PIK3C2A: variants seen among roughly 807,000 people sequenced by gnomAD.
The protein encoded by PIK3C2A is phosphatidylinositol-4-phosphate 3-kinase catalytic subunit type 2 alpha.
A neutral mutation model predicts 204.5 loss-of-function variants in PIK3C2A; 97 were observed. The observed-to-expected ratio is 0.47, with a 90% CI of 0.40 to 0.56. The LOEUF (loss-of-function observed/expected upper bound fraction) is 0.56. PIK3C2A is among the 20% of genes least tolerant of loss of function. The pLI is 0.00. For synonymous variants in PIK3C2A, 653 were observed against 664.4 expected (o/e 0.98, Z 0.26); for missense variants, 1,735 against 1,969.2 (o/e 0.88, Z 2.25).
intron 1 of PIK3C2A, among the ~76,000 whole-genome samples, chr11:17,206,996 T>C (rs1852603048): frequency 6.6e-6 from 1 of 152,288 alleles, no homozygotes; most frequent in Admixed American, 6.5e-5. Flanking sequence ...CGGGCCAGTA[T>C]AGGAAAAGAA....
chr11:17,169,772 CTA>C lies in PIK3C2A; in HGVS notation c.-33_-32del, dbSNP rs757401488. ...CTAAAAAGACCAAACCTTCCTTCCT[CTA>C]TTTTTTTCTTGTAGCTTCCAAAATA... On this transcript the variant is annotated 5_prime_UTR_variant, in exon 2 of 33. Coordinates refer to ENST00000691414, the MANE Select transcript of PIK3C2A (RefSeq NM_002645.4). 3 of 1,480,432 alleles carry C rather than the reference CTA, an allele frequency of 2.0e-6. No individual in the cohort carries two copies. Among genetic ancestry groups the C allele is most frequent in the Non-Finnish European group, 2.7e-6 (3 of 1,104,668 alleles). The allele number at this position is 1,480,432 out of a possible 1,614,324, so 91.7% of individuals were successfully genotyped here.
At position 17,092,072 on chromosome 11, in the gene PIK3C2A, A is replaced by C. The variant is rs1332903003; in HGVS notation, c.4570-4T>G. 1 of 1,597,306 alleles carries C rather than the reference A, an allele frequency of 6.3e-7. No individual in the cohort carries two copies. Among genetic ancestry groups the C allele is most frequent in the Non-Finnish European group, 8.6e-7 (1 of 1,164,800 alleles). ...AGAAAGTACAAACAAGATCACACTAAGAATAAAGAGAAAGCAATTCATTAG... is the reference window on the plus strand; with the variant it reads ...AGAAAGTACAAACAAGATCACACTACGAATAAAGAGAAAGCAATTCATTAG... On this transcript the variant is annotated splice_region_variant and splice_polypyrimidine_tract_variant and intron_variant, in intron 29 of 32. Transcript: ENST00000691414.
intron 3 of PIK3C2A, among the ~76,000 whole-genome samples, chr11:17,154,498 G>A (rs1275704392): frequency 6.6e-6 from 1 of 152,080 alleles, no homozygotes; most frequent in Non-Finnish European, 1.5e-5. Flanking sequence ...GCTTAAAGCA[G>A]ACCACACTGA....
rs374305923 is a variant in PIK3C2A at position 17,105,216 on chromosome 11, C to T, written c.3634G>A (p.Ala1212Thr). The stretch of plus-strand genomic sequence containing the variant: ...GGATTGTATTTCCTTAGCCACTCTG[C>T]AAGTGGTTTATCTTTAAAGGATCCT... ...VTGSFKDKPLAEWLRKYNPSE... is the reference protein window; with the variant it reads ...VTGSFKDKPLTEWLRKYNPSE... Residue 1212 changes from alanine to threonine, a missense_variant, in exon 23 of 33, where the codon GCA (alanine) becomes ACA (threonine). By Grantham distance (58) the Ala-to-Thr change is moderately conservative. Coordinates refer to ENST00000691414, the MANE Select transcript of PIK3C2A (RefSeq NM_002645.4). 1.2e-5 allele frequency: 19 copies of T among 1,609,558 alleles called. No individual in the cohort carries two copies. Among genetic ancestry groups the T allele is most frequent in the Non-Finnish European group, 1.5e-5 (18 of 1,175,962 alleles).
intron 13 of PIK3C2A, among the ~76,000 whole-genome samples, chr11:17,125,149 G>A (rs1849482641): frequency 1.3e-5 from 2 of 152,148 alleles, no homozygotes; most frequent in African/African-American, 4.8e-5. Flanking sequence ...AATGGTTTTA[G>A]GAAGGCATTT....
chr11:17,155,019 G>A (rs1469974889), intron 3 of PIK3C2A, among the ~76,000 whole-genome samples: 1 of 152,106 alleles, frequency 6.6e-6, no homozygotes, highest in Non-Finnish European at 1.5e-5. Flanking sequence ...AGTTTGTTAG[G>A]TTACTTCTCT....
chr11:17,097,895 C>G (rs2137276159), intron 26 of PIK3C2A, among the ~76,000 whole-genome samples: 2 of 152,198 alleles, frequency 1.3e-5, no homozygotes, highest in African/African-American at 4.8e-5. Flanking sequence ...ACACTGGGTG[C>G]TGGAGTGAGA....
rs1371533542 is a variant in PIK3C2A at position 17,145,853 on chromosome 11, G to A, written c.1640+10C>T. On this transcript the variant is annotated intron_variant, in intron 7 of 32. Coordinates refer to ENST00000691414, the MANE Select transcript of PIK3C2A (RefSeq NM_002645.4). ...CTGAAAACCTGCAATTAATGCTTTAGATGATATACCTCGTCATGGCTTCTT... is the reference window on the plus strand; with the variant it reads ...CTGAAAACCTGCAATTAATGCTTTAAATGATATACCTCGTCATGGCTTCTT... 6.2e-7 allele frequency: 1 copy of A among 1,609,444 alleles called. No individual in the cohort carries two copies. Among genetic ancestry groups the A allele is most frequent in the East Asian group, 2.2e-5 (1 of 44,768 alleles).
At chr11:17,135,285 C>T (rs559631675) in intron 9 of PIK3C2A, 126 bp from the exon 10 acceptor site, 17 of 856,822 alleles carry the variant, frequency 2.0e-5, no homozygotes, top group Middle Eastern at 3.6e-4. Flanking sequence ...ATTAATAAAA[C>T]GATAAATAAA....
chr11:17,199,785 C>CTAAT (rs1852300195), intron 1 of PIK3C2A, among the ~76,000 whole-genome samples: 1 of 151,188 alleles, frequency 6.6e-6, no homozygotes, highest in Non-Finnish European at 1.5e-5. Context: ...ATTAGCTGGG[C>CTAAT]GTGGTGGTAC....
intron 6 of PIK3C2A, 42 bp from the exon 7 acceptor site, chr11:17,145,984 T>C: frequency 1.4e-6 from 2 of 1,427,516 alleles, no homozygotes; most frequent in South Asian, 1.2e-5. Context: ...ATCCACTCTT[T>C]GGTCTTTCTA....
At chr11:17,113,116 A>G (rs1236309) in intron 20 of PIK3C2A, among the ~76,000 whole-genome samples, 63,466 of 151,838 alleles carry the variant, frequency 0.42, 13,717 homozygotes, top group Non-Finnish European at 0.47. Context: ...GGTTCAAGCA[A>G]TTCTCCTGCC....
intron 1 of PIK3C2A, among the ~76,000 whole-genome samples, chr11:17,179,373 G>C (rs111262939): frequency 0.033 from 4,994 of 152,102 alleles, 279 homozygotes; most frequent in African/African-American, 0.11. Flanking sequence ...TGTTGCCCAG[G>C]CTGGTCTCAA....
At chr11:17,132,315 A>ATT (rs11307715) in intron 11 of PIK3C2A, among the ~76,000 whole-genome samples, 62 of 78,760 alleles carry the variant, frequency 7.9e-4, no homozygotes, top group East Asian at 3.2e-3. Context: ...ATTAACTTTA[A>ATT]TTTTTTTTTT....
chr11:17,203,907 C>T (rs748791597), intron 1 of PIK3C2A, among the ~76,000 whole-genome samples: 3 of 152,148 alleles, frequency 2.0e-5, no homozygotes, highest in Non-Finnish European at 2.9e-5. Flanking sequence ...CCTGTCTCTA[C>T]TAAAATAATA....
intron 22 of PIK3C2A, among the ~76,000 whole-genome samples, chr11:17,106,993 GTTTTTTGTTTT>G (rs1848842350): frequency 7.2e-5 from 11 of 151,944 alleles, no homozygotes; most frequent in Admixed American, 5.2e-4. Flanking sequence ...TGAACAAATT[GTTTTTTGTTTT>G]CTCTCTGACT....
At position 17,145,692 on chromosome 11, in the gene PIK3C2A, T is replaced by C. The variant is rs1850219029; in HGVS notation, c.1680A>G (p.Gln560=). ...CTTCAATTTGAAGAGCCAGTTCTAC[T>C]TGGTTGTGATAAGAATCTAAGAGTT... is the stretch of plus-strand genomic sequence containing the variant. ...VEELLDSYHN[Q]VELALQIENQ... Residue 560 remains glutamine (Q), a synonymous_variant, in exon 8 of 33, where the codon CAA becomes CAG. Transcript: ENST00000691414. 2 of 1,608,704 alleles carry C rather than the reference T, an allele frequency of 1.2e-6. No individual in the cohort carries two copies. Among genetic ancestry groups the C allele is most frequent in the Non-Finnish European group, 8.5e-7 (1 of 1,175,622 alleles).
intron 1 of PIK3C2A, among the ~76,000 whole-genome samples, chr11:17,205,344 C>T (rs1852529029): frequency 6.6e-6 from 1 of 150,692 alleles, no homozygotes; most frequent in Non-Finnish European, 1.5e-5. Flanking sequence ...CATAGCGGCA[C>T]ACGCCTGTAG....
intron 11 of PIK3C2A, 45 bp from the exon 12 acceptor site, chr11:17,132,083 A>G (rs1368372231): frequency 1.4e-5 from 16 of 1,151,872 alleles, no homozygotes; most frequent in Non-Finnish European, 1.6e-5. Flanking sequence ...GATAATACAA[A>G]TTAGTTAACT....
Sources: allele counts gnomAD v4.1 joint callset (sites outside exome capture counted in the v4.1 genomes callset), GRCh38; gene constraint gnomAD v4.1.1; transcripts MANE v1.5; gene names NCBI Gene and HGNC (gene_info 2026-07-23, HGNC 2026-07-21).